Variants in PRELID2 observed in about 807,000 individuals in gnomAD.
PRELID2 encodes PRELI domain containing 2, also known as PRELI domain-containing protein 2.
In PRELID2, 25 loss-of-function variants were observed where a neutral mutation model predicts 28.4. The ratio of observed to expected loss-of-function variants is 0.88; its 90% CI spans 0.64 to 1.23. The LOEUF (loss-of-function observed/expected upper bound fraction) is 1.23, where lower values mean the gene tolerates loss of function less well. Among genes scored for constraint, PRELID2 ranks in the 50% most tolerant of loss-of-function variants. The pLI is 0.00. For missense variants in PRELID2, 201 were observed against 214.4 expected (o/e 0.94, Z 0.39); for synonymous variants, 76 against 71.6 (o/e 1.06, Z -0.31).
the PRELID2 span, among the ~76,000 whole-genome samples, chr5:145,428,878 G>GCTT: frequency 6.6e-6 from 1 of 152,178 alleles, no homozygotes; most frequent in African/African-American, 2.4e-5. Context: ...AAGCCCCCAG[G>GCTT]CAGGTGCATG....
chr5:145,384,376 T>C, the PRELID2 span, among the ~76,000 whole-genome samples: 3 of 152,192 alleles, frequency 2.0e-5, no homozygotes, highest in African/African-American at 7.2e-5. Flanking sequence ...AACAGGAGAA[T>C]GGATACAAAC....
intron 1 of PRELID2, among the ~76,000 whole-genome samples, chr5:145,612,630 G>A (rs538071231): frequency 9.1e-4 from 138 of 151,940 alleles, no homozygotes; most frequent in Admixed American, 2.2e-3. Context: ...TTCCCCCCAA[G>A]CCCCCAAAGT....
chr5:145,607,460 G>A (rs1297322143), intron 1 of PRELID2, among the ~76,000 whole-genome samples: 1 of 152,092 alleles, frequency 6.6e-6, no homozygotes, highest in Non-Finnish European at 1.5e-5. Context: ...GTTCTCATTA[G>A]CTTCAAATAA....
intron 1 of PRELID2, among the ~76,000 whole-genome samples, chr5:145,671,040 AG>A (rs1476263720): frequency 2.6e-5 from 4 of 152,188 alleles, no homozygotes; most frequent in African/African-American, 7.2e-5. Context: ...AGATTTTCAT[AG>A]GTATTCAATA....
At chr5:145,287,535 C>T in the PRELID2 span, among the ~76,000 whole-genome samples, 1 of 151,980 alleles carries the variant, frequency 6.6e-6, no homozygotes, top group Non-Finnish European at 1.5e-5. Flanking sequence ...TCTTAATTTT[C>T]CATTTAAAAT....
intron 1 of PRELID2, among the ~76,000 whole-genome samples, chr5:145,640,545 G>T (rs11750103): frequency 3.1e-3 from 464 of 149,060 alleles, no homozygotes; most frequent in Non-Finnish European, 5.3e-3. Context: ...TCCAGAGGCT[G>T]AGGCAGGAGA....
At chr5:145,476,960 T>G (rs543652857) in intron 1 of PRELID2, among the ~76,000 whole-genome samples, 249 of 152,332 alleles carry the variant, frequency 1.6e-3, no homozygotes, top group African/African-American at 5.9e-3. Flanking sequence ...TAATTAATAG[T>G]AGCTCATAGA....
At chr5:145,610,774 A>C (rs1198499717) in intron 1 of PRELID2, among the ~76,000 whole-genome samples, 1 of 152,116 alleles carries the variant, frequency 6.6e-6, no homozygotes, top group African/African-American at 2.4e-5. Context: ...AAAGTGGCCA[A>C]ATCAGAATAG....
At chr5:145,617,690 T>A (rs1392087145) in intron 1 of PRELID2, among the ~76,000 whole-genome samples, 1 of 152,062 alleles carries the variant, frequency 6.6e-6, no homozygotes, top group Non-Finnish European at 1.5e-5. Context: ...TATAAGTGTG[T>A]CCAATGTTTC....
chr5:145,659,008 A>C (rs1010613435), intron 1 of PRELID2, among the ~76,000 whole-genome samples: 1 of 152,192 alleles, frequency 6.6e-6, no homozygotes, highest in African/African-American at 2.4e-5. Flanking sequence ...ATGAGAACTC[A>C]AGGCAGAAAG....
intron 1 of PRELID2, among the ~76,000 whole-genome samples, chr5:145,622,492 A>C (rs1753786507): frequency 6.6e-6 from 1 of 152,162 alleles, no homozygotes; most frequent in African/African-American, 2.4e-5. Flanking sequence ...GTGAGCAAAG[A>C]AACTGTTGGA....
chr5:145,243,559 G>A, the PRELID2 span, among the ~76,000 whole-genome samples: 1 of 151,978 alleles, frequency 6.6e-6, no homozygotes, highest in South Asian at 2.1e-4. Context: ...TGAAAGCTAT[G>A]TTTGGTTACA....
the PRELID2 span, among the ~76,000 whole-genome samples, chr5:145,251,268 C>T: frequency 6.6e-6 from 1 of 152,096 alleles, no homozygotes; most frequent in African/African-American, 2.4e-5. Context: ...TATTGCTGAG[C>T]ATAGTAAATT....
chr5:145,581,724 C>G (rs749585047), intron 1 of PRELID2, among the ~76,000 whole-genome samples: 1 of 152,002 alleles, frequency 6.6e-6, no homozygotes, highest in Non-Finnish European at 1.5e-5. Context: ...TGGGAATGAG[C>G]CTCTTGCGAT....
chr5:145,634,911 T>C (rs1241428265), intron 1 of PRELID2, among the ~76,000 whole-genome samples: 2 of 152,182 alleles, frequency 1.3e-5, no homozygotes, highest in East Asian at 3.8e-4. Flanking sequence ...AGCCCAGTCT[T>C]CCAACGTCTT....
chr5:145,342,539 A>T, the PRELID2 span, among the ~76,000 whole-genome samples: 2 of 152,122 alleles, frequency 1.3e-5, no homozygotes, highest in African/African-American at 4.8e-5. Context: ...TATATATATA[A>T]AATGTGGTTG....
the PRELID2 span, among the ~76,000 whole-genome samples, chr5:145,272,299 C>T: frequency 3.9e-5 from 6 of 152,194 alleles, no homozygotes; most frequent in Admixed American, 2.6e-4. Context: ...AAGCCAGCCT[C>T]CAAAATTTGT....
At chr5:145,481,163 A>T (rs1366006792) in intron 1 of PRELID2, among the ~76,000 whole-genome samples, 1 of 152,192 alleles carries the variant, frequency 6.6e-6, no homozygotes, top group Non-Finnish European at 1.5e-5. Flanking sequence ...CGTGCCAATT[A>T]GTATGAATTC....
chr5:145,707,549 C>T (rs1755581266), intron 1 of PRELID2, among the ~76,000 whole-genome samples: 1 of 152,062 alleles, frequency 6.6e-6, no homozygotes, highest in South Asian at 2.1e-4. Context: ...GAAGCTTATC[C>T]ATAAGGTACT....
Sources: allele counts gnomAD v4.1 joint callset (sites outside exome capture counted in the v4.1 genomes callset), GRCh38; gene constraint gnomAD v4.1.1; transcripts MANE v1.5; gene names NCBI Gene and HGNC (gene_info 2026-07-23, HGNC 2026-07-21).